TAFA4: variants seen among roughly 807,000 people sequenced by gnomAD.
The protein encoded by TAFA4 is chemokine-like protein TAFA-4.
Under a neutral mutation model 21.1 loss-of-function variants are expected in TAFA4, and 20 were observed. The observed-to-expected ratio is 0.95, with a 90% CI of 0.67 to 1.38. The LOEUF is 1.38. Among genes scored for constraint, TAFA4 ranks in the 40% most tolerant of loss-of-function variants. The pLI is 0.00. For missense variants in TAFA4, 211 were observed against 180.9 expected, an observed-to-expected ratio of 1.17 and a Z score of -0.95; for synonymous variants, 71 against 67.4, an observed-to-expected ratio of 1.05 and a Z score of -0.26.
At chr3:68,889,937 G>A (rs941787924) in intron 1 of TAFA4, among the ~76,000 whole-genome samples, 1 of 152,130 alleles carries the variant, frequency 6.6e-6, no homozygotes, top group Non-Finnish European at 1.5e-5. Context: ...ACACATATAC[G>A]TAGCCATAAA....
chr3:68,878,833 C>T (rs1057508440), intron 3 of TAFA4, among the ~76,000 whole-genome samples: 1 of 152,072 alleles, frequency 6.6e-6, no homozygotes, highest in African/African-American at 2.4e-5. Flanking sequence ...AAGAAAGAGT[C>T]TCACCACCCA....
At chr3:68,783,593 C>T (rs975114235) in intron 3 of TAFA4, among the ~76,000 whole-genome samples, 4 of 150,234 alleles carry the variant, frequency 2.7e-5, no homozygotes, top group African/African-American at 4.9e-5. Flanking sequence ...TCAGAGTTTC[C>T]CACCTAGTTT....
At chr3:68,775,076 T>G (rs145137394) in intron 3 of TAFA4, among the ~76,000 whole-genome samples, 71 of 152,170 alleles carry the variant, frequency 4.7e-4, no homozygotes, top group Non-Finnish European at 8.8e-4. Flanking sequence ...TAACTGACAT[T>G]TGTCAGACCA....
At chr3:68,859,009 G>A (rs1420981853) in intron 3 of TAFA4, among the ~76,000 whole-genome samples, 1 of 151,722 alleles carries the variant, frequency 6.6e-6, no homozygotes, top group East Asian at 1.9e-4. Context: ...GGAGCTGGGG[G>A]GCAGCCAGAA....
chr3:68,791,293 T>C (rs1703356429), intron 3 of TAFA4, among the ~76,000 whole-genome samples: 1 of 152,218 alleles, frequency 6.6e-6, no homozygotes, highest in Non-Finnish European at 1.5e-5. Context: ...CATGCTGGTG[T>C]CCTTGTAAGA....
intron 3 of TAFA4, among the ~76,000 whole-genome samples, chr3:68,762,978 C>T (rs1702783150): frequency 1.3e-5 from 2 of 152,224 alleles, no homozygotes; most frequent in South Asian, 4.1e-4. Context: ...GTGGAGGTTG[C>T]AGGGAGCTGA....
chr3:68,855,302 T>G (rs1183074763), intron 3 of TAFA4, among the ~76,000 whole-genome samples: 1 of 152,206 alleles, frequency 6.6e-6, no homozygotes, highest in Non-Finnish European at 1.5e-5. Context: ...TGATTTATTC[T>G]TGTACTTTAT....
chr3:68,829,706 ATTAG>A (rs1469410991), intron 3 of TAFA4, among the ~76,000 whole-genome samples: 5 of 152,190 alleles, frequency 3.3e-5, no homozygotes, highest in Admixed American at 6.5e-5. Flanking sequence ...GCCTCAAAAA[ATTAG>A]TTAGGGAGGA....
chr3:68,804,153 A>G (rs1703635166), intron 3 of TAFA4, among the ~76,000 whole-genome samples: 2 of 152,118 alleles, frequency 1.3e-5, no homozygotes, highest in African/African-American at 4.8e-5. Context: ...GCTCCACGAA[A>G]CATCATGAAT....
chr3:68,795,848 C>G (rs75273213), intron 3 of TAFA4, among the ~76,000 whole-genome samples: 5,354 of 152,174 alleles, frequency 0.035, 309 homozygotes, highest in African/African-American at 0.12. Context: ...TACCTGTCCT[C>G]TTTTGGGAAG....
chr3:68,877,178 G>C (rs1215558458), intron 3 of TAFA4, among the ~76,000 whole-genome samples: 1 of 151,998 alleles, frequency 6.6e-6, no homozygotes, highest in Non-Finnish European at 1.5e-5. Flanking sequence ...GGATAACATG[G>C]GGAAAGCCCA....
At chr3:68,761,839 G>A (rs1702759878) in intron 3 of TAFA4, among the ~76,000 whole-genome samples, 1 of 152,130 alleles carries the variant, frequency 6.6e-6, no homozygotes, top group African/African-American at 2.4e-5. Flanking sequence ...AGGAAGAAGA[G>A]GTTGGATTCT....
At chr3:68,915,968 T>C (rs1470131888) in intron 1 of TAFA4, 1 of 152,222 alleles carries the variant, frequency 6.6e-6, no homozygotes, top group East Asian at 1.9e-4. Flanking sequence ...AGACTTTAAG[T>C]GACTATTTTT....
intron 1 of TAFA4, among the ~76,000 whole-genome samples, chr3:68,904,721 A>C (rs916756269): frequency 6.6e-6 from 1 of 152,180 alleles, no homozygotes; most frequent in Non-Finnish European, 1.5e-5. Flanking sequence ...ATGCTCCCAG[A>C]ATCATCCACC....
intron 3 of TAFA4, among the ~76,000 whole-genome samples, chr3:68,865,430 T>G (rs972214949): frequency 6.6e-6 from 1 of 152,016 alleles, no homozygotes; most frequent in Non-Finnish European, 1.5e-5. Flanking sequence ...GGTTTTTCCC[T>G]GTACTGTTTT....
intron 1 of TAFA4, among the ~76,000 whole-genome samples, chr3:68,907,639 A>T (rs2089917334): frequency 6.6e-6 from 1 of 152,170 alleles, no homozygotes; most frequent in Non-Finnish European, 1.5e-5. Context: ...ACACTGTTTC[A>T]GGGAAGTGAG....
At chr3:68,743,842 C>G (rs1702403639) in intron 4 of TAFA4, among the ~76,000 whole-genome samples, 1 of 152,098 alleles carries the variant, frequency 6.6e-6, no homozygotes, top group South Asian at 2.1e-4. Flanking sequence ...AGTAGTCTTT[C>G]TACTGTAACA....
intron 1 of TAFA4, among the ~76,000 whole-genome samples, chr3:68,912,971 TG>T (rs2089973726): frequency 6.6e-6 from 1 of 152,280 alleles, no homozygotes; most frequent in Admixed American, 6.5e-5. Context: ...GAAGGTGATG[TG>T]GGGGTAGGAA....
At chr3:68,759,200 C>T (rs549334412) in intron 3 of TAFA4, among the ~76,000 whole-genome samples, 22 of 152,186 alleles carry the variant, frequency 1.4e-4, no homozygotes, top group Admixed American at 5.9e-4. Context: ...TTATTCTATT[C>T]AGGTCCTCAG....
Sources: allele counts gnomAD v4.1 joint callset (sites outside exome capture counted in the v4.1 genomes callset), GRCh38; gene constraint gnomAD v4.1.1; transcripts MANE v1.5; gene names NCBI Gene and HGNC (gene_info 2026-07-23, HGNC 2026-07-21).